The following PLCB3 variants were observed in gnomAD, a reference collection of about 807,000 sequenced individuals.
PLCB3 encodes the protein phospholipase C beta 3.
A neutral mutation model predicts 152.1 loss-of-function variants in PLCB3; 54 were observed. That is an observed-to-expected ratio of 0.36 (90% confidence interval 0.29 to 0.45). PLCB3 has a LOEUF of 0.45. PLCB3 is among the 20% of genes least tolerant of loss of function. PLCB3 has a pLI of 1.00. For synonymous variants in PLCB3, 717 were observed against 698.7 expected, an observed-to-expected ratio of 1.03 and a Z score of -0.41; for missense variants, 1,248 against 1,687.5, an observed-to-expected ratio of 0.74 and a Z score of 4.56.
Position 64,255,633 on chromosome 11 carries a change from C to CCGGGGGGGGGGGGG in PLCB3, c.597+17_597+18insCGGGGGGGGGGGGG. 8.6e-7 allele frequency: 1 copy of CCGGGGGGGGGGGGG among 1,168,740 alleles called. No homozygotes were observed. The highest frequency in any genetic ancestry group is 1.2e-6 in the Non-Finnish European group (1 of 813,370). 72.4% of individuals were successfully genotyped at this position (1,168,740 alleles called of 1,614,324 possible). A position where few individuals can be genotyped will look rare whatever the true frequency, so the allele number is the denominator to read the frequency against. On this transcript the variant is annotated intron_variant, in intron 7 of 30. Coordinates refer to ENST00000279230, the MANE Select transcript of PLCB3 (RefSeq NM_000932.5). This position sits in a 1 kb window ranked among gnomAD's most constrained non-coding sequence, Gnocchi z 6.8. ...TTCAACCGGGTGTGTGGGGTGGGGA[C>CCGGGGGGGGGGGGG]AGGGGCGGGGTGGGGTGTCACGGTG...
chr11:64,260,490 T>G (rs1591108723), intron 14 of PLCB3, among the ~76,000 whole-genome samples: 1 of 148,870 alleles, frequency 6.7e-6, no homozygotes, highest in South Asian at 2.1e-4. Flanking sequence ...GGCAGGGAGG[T>G]GGGGCAGGGA....
rs757194151 is a variant in PLCB3, at chr11:64,255,297, A to T, written c.451A>T (p.Thr151Ser). ...CCTGGCTCAGAACGCCTCCCGGAAC[A>T]CCTTCCTGCGCAAAGCGTGAGCCCC... is the stretch of plus-strand genomic sequence containing the variant. ...NILAQNASRNTFLRKAYTKLK... is the reference protein window; with the variant it reads ...NILAQNASRNSFLRKAYTKLK... Residue 151 changes from threonine (T) to serine (S), a missense_variant, in exon 5 of 31, where the codon ACC becomes TCC. By Grantham distance (58) the Thr-to-Ser change is moderately conservative. Coordinates refer to ENST00000279230, the MANE Select transcript of PLCB3 (RefSeq NM_000932.5). The surrounding 1 kb of genome is among the most constrained non-coding windows in gnomAD (Gnocchi z 6.8). The T allele has an allele frequency of 8.7e-6, 14 of 1,613,698 alleles. No individual in the cohort carries two copies. The South Asian group carries it at 1.4e-4, about 16-fold the overall frequency.
chr11:64,260,726 T>C (rs566609482), intron 14 of PLCB3, among the ~76,000 whole-genome samples: 18 of 138,386 alleles, frequency 1.3e-4, no homozygotes, highest in Middle Eastern at 4.1e-3. Flanking sequence ...TGAGCTGAGA[T>C]TGCACCATTG....
Position 64,267,154 on chromosome 11 carries a change from C to T in PLCB3, c.3415-31C>T, listed in dbSNP as rs770381276. On this transcript the variant is annotated intron_variant, in intron 29 of 30. Transcript: ENST00000279230. This position sits in a 1 kb window ranked among gnomAD's most constrained non-coding sequence, Gnocchi z 5.2. The stretch of plus-strand genomic sequence containing the variant: ...GAGGCTCTAGCCCCTCCCTCAGGGC[C>T]CCTCAGCTGAGCCCTTGCCCACCCC... The T allele has an allele frequency of 7.1e-6, 11 of 1,540,832 alleles. No homozygotes were observed. The East Asian group carries it at 1.5e-4, about 21-fold the overall frequency.
Position 64,267,403 on chromosome 11 carries a change from C to A in PLCB3, c.3552C>A (p.Pro1184=). The change falls in exon 31 of 31, where the codon CCC becomes CCA. Residue 1184 remains proline, a synonymous_variant. Transcript: ENST00000279230. The surrounding 1 kb of genome is among the most constrained non-coding windows in gnomAD (Gnocchi z 5.2). ...GTCAGGAGCAGCGGGCGAGGCTCCC[C>A]CAGGAGATCCGCCGGAGCCTGCTGG... The part of the protein sequence containing the change: ...QECQEQRARL[P]QEIRRSLLGE... The A allele has an allele frequency of 1.9e-6, 3 of 1,540,870 alleles. No individual in the cohort carries two copies. Among genetic ancestry groups the A allele is most frequent in the South Asian group, 2.4e-5 (2 of 82,678 alleles).
rs763734789 is a variant in PLCB3 at position 64,260,009 on chromosome 11, T to A, written c.1526-20T>A. Reference sequence around the variant, plus strand: ...GCTGTGTGGTCCTGACCCCTCACCCTGTGGCCCTGTCCTCTGCAGGGTCTC... The same window carrying A: ...GCTGTGTGGTCCTGACCCCTCACCCAGTGGCCCTGTCCTCTGCAGGGTCTC... On this transcript the variant is annotated intron_variant, in intron 13 of 30. Coordinates refer to ENST00000279230, the MANE Select transcript of PLCB3 (RefSeq NM_000932.5). 1.2e-6 allele frequency: 2 copies of A among 1,604,206 alleles called. No individual in the cohort carries two copies. The highest frequency in any genetic ancestry group is 1.7e-6 in the Non-Finnish European group (2 of 1,174,960).
intron 1 of PLCB3, among the ~76,000 whole-genome samples, chr11:64,252,917 C>T (rs890600205): frequency 2.6e-5 from 4 of 152,026 alleles, no homozygotes; most frequent in African/African-American, 9.7e-5. Flanking sequence ...ACACTAGGGG[C>T]AGTACCCATA....
rs564525049 is a variant in PLCB3 at position 64,253,585 on chromosome 11, T to A, written c.100-830T>A. Among the ~76,000 whole-genome samples, 23 of 152,350 alleles carry A rather than the reference T, an allele frequency of 1.5e-4. 1 individual carries two copies. Among genetic ancestry groups the A allele is most frequent in the African/African-American group, 5.1e-4 (21 of 41,584 alleles). ...ACCTGGAATAGGAGGGTTCTACCTG[T>A]AGCCACTTGTTCACTCTGGCCCTGG... On this transcript the variant is annotated intron_variant, in intron 1 of 30. Transcript: ENST00000279230.
chr11:64,259,604 C>T (rs1003814721), intron 13 of PLCB3, among the ~76,000 whole-genome samples: 1 of 152,114 alleles, frequency 6.6e-6, no homozygotes, highest in African/African-American at 2.4e-5. Flanking sequence ...GTTCACCTGC[C>T]CAGTTGGTTA....
intron 13 of PLCB3, among the ~76,000 whole-genome samples, chr11:64,259,481 C>T (rs2031731072): frequency 6.6e-6 from 1 of 152,188 alleles, no homozygotes; most frequent in Non-Finnish European, 1.5e-5. Context: ...ACCTCAGCCT[C>T]TCACCTCTCA....
At chr11:64,269,373 G>A (rs917869541), downstream of PLCB3, among the ~76,000 whole-genome samples, 3 of 152,248 alleles carry the variant, frequency 2.0e-5, no homozygotes, top group Non-Finnish European at 2.9e-5. Flanking sequence ...GTTATAGGGG[G>A]CGCCAATAAA....
At chr11:64,257,178 A>G (rs1488397824) in intron 10 of PLCB3, among the ~76,000 whole-genome samples, 2 of 151,912 alleles carry the variant, frequency 1.3e-5, no homozygotes, top group Non-Finnish European at 2.9e-5. Context: ...CTAATTTTGT[A>G]TTTTTAGTAG....
chr11:64,266,279 C>T lies in PLCB3; in HGVS notation c.3267-36C>T, dbSNP rs367930919. 6.3e-5 allele frequency: 101 copies of T among 1,613,550 alleles called. No individual in the cohort carries two copies. Among genetic ancestry groups the T allele is most frequent in the Admixed American group, 2.8e-4 (17 of 59,950 alleles). ...AGGAGGGCAGAGTCTGTGCTTCTGC[C>T]GCTGACCCCTCCTCTTCCCCTGCCG... On this transcript the variant is annotated intron_variant, in intron 27 of 30. Transcript: ENST00000279230. This position sits in a 1 kb window ranked among gnomAD's most constrained non-coding sequence, Gnocchi z 4.9.
chr11:64,255,671 T>G lies in PLCB3; in HGVS notation c.598-50T>G. The G allele has an allele frequency of 6.2e-7, 1 of 1,606,370 alleles. No individual in the cohort carries two copies. Among genetic ancestry groups the G allele is most frequent in the Non-Finnish European group, 8.5e-7 (1 of 1,174,386 alleles). Reference sequence around the variant, plus strand: ...GGGTGTCACGGTGGGCACCCACCCTTACGGGGCTGCCCGCCCCTGGCTTCT... The same window carrying G: ...GGGTGTCACGGTGGGCACCCACCCTGACGGGGCTGCCCGCCCCTGGCTTCT... On this transcript the variant is annotated intron_variant, in intron 7 of 30. Coordinates refer to ENST00000279230, the MANE Select transcript of PLCB3 (RefSeq NM_000932.5). The surrounding 1 kb of genome is among the most constrained non-coding windows in gnomAD (Gnocchi z 6.8).
chr11:64,253,881 G>A (rs1565328819), intron 1 of PLCB3, among the ~76,000 whole-genome samples: 1 of 152,190 alleles, frequency 6.6e-6, no homozygotes, highest in African/African-American at 2.4e-5. Context: ...GTGGTAAGGT[G>A]GATAATGGGC....
chr11:64,260,309 C>A, intron 14 of PLCB3, 75 bp downstream of exon 14: 1 of 1,026,900 alleles, frequency 9.7e-7, no homozygotes, highest in South Asian at 1.5e-5. Context: ...TGACCATCAA[C>A]AAGACTGACA....
At chr11:64,262,864 C>T (rs2031927106) in intron 19 of PLCB3, 56 bp downstream of exon 19, 8 of 1,556,666 alleles carry the variant, frequency 5.1e-6, no homozygotes, top group East Asian at 2.3e-5. Flanking sequence ...CAGACCGCCC[C>T]GACTCTCAGG....
intron 1 of PLCB3, among the ~76,000 whole-genome samples, 159 bp from the exon 2 acceptor site, chr11:64,254,256 C>T (rs2031392045): frequency 6.6e-6 from 1 of 152,124 alleles, no homozygotes; most frequent in African/African-American, 2.4e-5. Context: ...TGGCTTTGTT[C>T]TGAGGGCCAC....
chr11:64,265,485 G>T lies in PLCB3; in HGVS notation c.3018G>T (p.Arg1006=), dbSNP rs1334354115. The T allele has an allele frequency of 6.2e-7, 1 of 1,602,018 alleles. No homozygotes were observed. The highest frequency in any genetic ancestry group is 1.7e-5 in the Admixed American group (1 of 59,800). Residue 1006 remains arginine (R), a synonymous_variant, in exon 25 of 31, where the codon CGG becomes CGT. Transcript: ENST00000279230. ...AGGCACAGGCTGAGGGCAGGTGCCG[G>T]CTGCGGCCAGGTGCCCTGTGAGTGT... ...LAQAQAEGRC[R]LRPGALGGAA...
Sources: allele counts gnomAD v4.1 joint callset (sites outside exome capture counted in the v4.1 genomes callset), GRCh38; gene constraint gnomAD v4.1.1; non-coding constraint Gnocchi (gnomAD v3.1); transcripts MANE v1.5; gene names NCBI Gene and HGNC (gene_info 2026-07-23, HGNC 2026-07-21).